Variants in SHCBP1 observed in about 807,000 individuals in gnomAD.
SHCBP1 encodes the protein SHC SH2 domain-binding protein 1.
Under a neutral mutation model 75.1 loss-of-function variants are expected in SHCBP1, and 60 were observed. The observed-to-expected ratio is 0.80, with a 90% CI of 0.65 to 0.99. The LOEUF is 0.99. SHCBP1 is among the 50% of genes least tolerant of loss of function. SHCBP1 has a pLI of 0.00. For missense variants in SHCBP1, 709 were observed against 809.4 expected (o/e 0.88, Z 1.50); for synonymous variants, 290 against 293.2 (o/e 0.99, Z 0.11).
At chr16:46,618,151 G>T in intron 2 of SHCBP1, 54 bp downstream of exon 2, 5 of 1,523,694 alleles carry the variant, frequency 3.3e-6, no homozygotes, top group Non-Finnish European at 4.4e-6. Flanking sequence ...ACTCCAGCCT[G>T]GACAACAAGA....
At chr16:46,590,648 AT>A (rs1965031021) in intron 10 of SHCBP1, among the ~76,000 whole-genome samples, 2 of 152,242 alleles carry the variant, frequency 1.3e-5, no homozygotes, top group Non-Finnish European at 2.9e-5. Context: ...AATGGTGATC[AT>A]TAAAAAGTCA....
At chr16:46,617,239 C>T (rs1399509611) in intron 3 of SHCBP1, among the ~76,000 whole-genome samples, 1 of 151,960 alleles carries the variant, frequency 6.6e-6, no homozygotes, top group African/African-American at 2.4e-5. Context: ...CCGAGATCGT[C>T]CCACTGCACT....
At chr16:46,598,822 C>T (rs187779825) in intron 9 of SHCBP1, among the ~76,000 whole-genome samples, 3 of 152,362 alleles carry the variant, frequency 2.0e-5, no homozygotes, top group East Asian at 1.9e-4. Flanking sequence ...CCACCTTCAT[C>T]GATTACCTTA....
chr16:46,611,492 C>A (rs1965416294), intron 4 of SHCBP1, among the ~76,000 whole-genome samples: 1 of 152,180 alleles, frequency 6.6e-6, no homozygotes, highest in Non-Finnish European at 1.5e-5. Context: ...CACTGTCACT[C>A]ACTGTTTCAC....
At chr16:46,583,863 C>T (rs765696242) in intron 11 of SHCBP1, 140 bp downstream of exon 11, 34 of 900,454 alleles carry the variant, frequency 3.8e-5, no homozygotes, top group Non-Finnish European at 5.4e-5. Flanking sequence ...CAAGAGATTC[C>T]AATCACTGAT....
At chr16:46,587,000 T>C (rs1299730747) in intron 10 of SHCBP1, among the ~76,000 whole-genome samples, 1 of 151,628 alleles carries the variant, frequency 6.6e-6, no homozygotes, top group Non-Finnish European at 1.5e-5. Flanking sequence ...TCCTGGAACA[T>C]CAAAAAGAAA....
At chr16:46,594,879 C>A (rs967008345) in intron 10 of SHCBP1, among the ~76,000 whole-genome samples, 6 of 152,168 alleles carry the variant, frequency 3.9e-5, no homozygotes, top group African/African-American at 1.4e-4. Flanking sequence ...AACCGTGGAA[C>A]AACCACACAT....
chr16:46,593,517 G>T (rs1306161749), intron 10 of SHCBP1, among the ~76,000 whole-genome samples: 1 of 152,120 alleles, frequency 6.6e-6, no homozygotes, highest in African/African-American at 2.4e-5. Flanking sequence ...GACTGCTTGA[G>T]CCTAGGAGTT....
At chr16:46,598,685 A>C (rs1965182621) in intron 9 of SHCBP1, among the ~76,000 whole-genome samples, 6 of 152,224 alleles carry the variant, frequency 3.9e-5, no homozygotes. Context: ...CAAGAGAGTC[A>C]GCCTGTCCTT....
chr16:46,588,171 T>C (rs8063581), intron 10 of SHCBP1, among the ~76,000 whole-genome samples: 3,387 of 151,214 alleles, frequency 0.022, 128 homozygotes, highest in African/African-American at 0.078. Context: ...TTTAAAGCAG[T>C]GTGTAGAAGG....
At chr16:46,603,693 C>A (rs1264767840) in intron 7 of SHCBP1, 34 bp from the exon 8 acceptor site, 1 of 1,611,544 alleles carries the variant, frequency 6.2e-7, no homozygotes, top group Non-Finnish European at 8.5e-7. Context: ...TGTAAATATA[C>A]ACTCCCAAAA....
chr16:46,588,597 A>G (rs1964990338), intron 10 of SHCBP1, among the ~76,000 whole-genome samples: 1 of 152,226 alleles, frequency 6.6e-6, no homozygotes, highest in Non-Finnish European at 1.5e-5. Flanking sequence ...TCCTCAACAC[A>G]TACACCCTCC....
intron 9 of SHCBP1, among the ~76,000 whole-genome samples, chr16:46,596,363 C>A (rs768065057): frequency 6.6e-6 from 1 of 151,830 alleles, no homozygotes; most frequent in South Asian, 2.1e-4. Flanking sequence ...AAAAATTAGC[C>A]GAGCGTGGTG....
At chr16:46,607,144 C>T (rs1021128063) in intron 5 of SHCBP1, among the ~76,000 whole-genome samples, 6 of 152,130 alleles carry the variant, frequency 3.9e-5, no homozygotes, top group African/African-American at 9.7e-5. Context: ...CACTTGAGGT[C>T]AGGAGTTCGA....
chr16:46,583,647 T>C lies in SHCBP1; in HGVS notation c.1562A>G (p.Asp521Gly). The C allele has an allele frequency of 1.2e-6, 2 of 1,602,962 alleles. No homozygotes were observed. Among genetic ancestry groups the C allele is most frequent in the South Asian group, 2.3e-5 (2 of 87,642 alleles). ...KEGILIKDFL[D>G]EHYDIPKISM... is the part of the protein sequence containing the mutation. The stretch of plus-strand genomic sequence containing the variant: ...TATCTTGGGAATGTCATAATGTTCA[T>C]CTAAGAAGTCCTGTGACATTGAAAA... Residue 521 changes from aspartate (D) to glycine (G), a missense_variant, in exon 12 of 13, where the codon GAT (aspartate) becomes GGT (glycine). Asp to Gly is a moderately conservative substitution (Grantham distance 94). Transcript: ENST00000303383.
At chr16:46,599,625 C>A (rs539119728) in intron 9 of SHCBP1, among the ~76,000 whole-genome samples, 1 of 126,910 alleles carries the variant, frequency 7.9e-6, no homozygotes, top group East Asian at 2.5e-4. Flanking sequence ...GAAAATGGTG[C>A]CGACAGACTG....
At chr16:46,606,462 C>T (rs763996535) in intron 5 of SHCBP1, among the ~76,000 whole-genome samples, 1 of 152,170 alleles carries the variant, frequency 6.6e-6, no homozygotes, top group Non-Finnish European at 1.5e-5. Flanking sequence ...TCCCATCTGC[C>T]AGTGATGTAC....
chr16:46,595,601 C>T lies in SHCBP1; in HGVS notation c.1415G>A (p.Arg472Gln), dbSNP rs535052871. The change falls in exon 10 of 13, where the codon CGG (arginine) becomes CAG (glutamine). Residue 472 changes from arginine (R) to glutamine (Q), a missense_variant. By Grantham distance (43) the Arg-to-Gln change is conservative (BLOSUM62 1). Coordinates refer to ENST00000303383, the MANE Select transcript of SHCBP1 (RefSeq NM_024745.5). ...LQCETTGVTV[R>Q]TSAEFLMKNS... Reference sequence around the variant, plus strand: ...CTTCATTAGAAACTCTGCTGATGTCCGCACTGTGACTCCGGTCGTCTCACA... The same window carrying T: ...CTTCATTAGAAACTCTGCTGATGTCTGCACTGTGACTCCGGTCGTCTCACA... The T allele has an allele frequency of 8.1e-6, 13 of 1,614,102 alleles. No homozygotes were observed. Among genetic ancestry groups the T allele is most frequent in the East Asian group, 4.5e-5 (2 of 44,882 alleles).
At position 46,616,437 on chromosome 16, in the gene SHCBP1, C is replaced by T. The variant is rs1357344643; in HGVS notation, c.388-283G>A. Among the ~76,000 whole-genome samples, 1 of 152,074 alleles carries T rather than the reference C, an allele frequency of 6.6e-6. No homozygotes were observed. The highest frequency in any genetic ancestry group is 2.4e-5 in the African/African-American group (1 of 41,400). ...GATGGGCAAGGAAGTCAGCTCTGAG[C>T]CAGGCTGAGGAGGATGAGAAGGAAG... is the stretch of plus-strand genomic sequence containing the variant. On this transcript the variant is annotated intron_variant, in intron 3 of 12. Transcript: ENST00000303383. This position sits in a 1 kb window ranked among gnomAD's most constrained non-coding sequence, Gnocchi z 4.4.
Sources: gnomAD v4.1 joint callset for allele counts (sites outside exome capture counted in the v4.1 genomes callset) on GRCh38, gnomAD v4.1.1 for gene constraint, Gnocchi (gnomAD v3.1) non-coding constraint, MANE v1.5 for transcripts, NCBI Gene and HGNC (gene_info 2026-07-23, HGNC 2026-07-21) for gene names.